Variants in GAS7 observed in about 807,000 individuals in gnomAD.
The protein encoded by GAS7 is growth arrest specific 7.
GAS7 carries 28 observed loss-of-function variants against 71.1 expected under a neutral mutation model. That is an observed-to-expected ratio of 0.39 (90% CI 0.29 to 0.54). The LOEUF (loss-of-function observed/expected upper bound fraction) is 0.54, where lower values mean the gene tolerates loss of function less well. Among genes scored for constraint, GAS7 ranks in the 20% least tolerant of loss-of-function variants. GAS7 has a pLI of 0.62. For missense variants in GAS7, 436 were observed against 627.8 expected (o/e 0.69, Z 3.27); for synonymous variants, 258 against 245.8 (o/e 1.05, Z -0.46).
At chr17:10,180,333 A>G (rs937510832) in intron 1 of GAS7, among the ~76,000 whole-genome samples, 24 of 148,078 alleles carry the variant, frequency 1.6e-4, no homozygotes, top group African/African-American at 5.9e-4. Flanking sequence ...CTCTGCCTCA[A>G]AAAAAAAAAA....
intron 6 of GAS7, 106 bp downstream of exon 6, chr17:9,946,788 C>G (rs1346032287): frequency 1.5e-6 from 1 of 675,652 alleles, no homozygotes; most frequent in African/African-American, 1.8e-5. Flanking sequence ...CACGCTCCAA[C>G]GAGAAAGGCC....
chr17:10,147,370 C>A (rs1183639045), intron 1 of GAS7, among the ~76,000 whole-genome samples: 1 of 152,038 alleles, frequency 6.6e-6, no homozygotes, highest in African/African-American at 2.4e-5. Flanking sequence ...TTAATCACAG[C>A]GAAGTATAAT....
intron 1 of GAS7, among the ~76,000 whole-genome samples, chr17:10,064,279 C>T (rs1192283975): frequency 6.6e-6 from 1 of 152,186 alleles, no homozygotes. Flanking sequence ...GGAAAAGCCT[C>T]ACAGCATGAT....
intron 4 of GAS7, among the ~76,000 whole-genome samples, chr17:9,960,816 T>A (rs1326304190): frequency 6.6e-6 from 1 of 152,194 alleles, no homozygotes; most frequent in East Asian, 1.9e-4. Context: ...ATCCTTAAGG[T>A]GTCTAGCAAA....
In GAS7 at chr17:10,192,272, C is replaced by G. The variant is rs75821793; in HGVS notation, c.183+5936G>C. Among the ~76,000 whole-genome samples the G allele has an allele frequency of 3.0e-3, 454 of 152,282 alleles. 1 individual carries two copies. The highest frequency in any genetic ancestry group is 4.7e-3 in the Non-Finnish European group (318 of 68,024). On this transcript the variant is annotated intron_variant, in intron 1 of 13. Coordinates refer to ENST00000432992, the MANE Select transcript of GAS7 (RefSeq NM_201433.2). ...GAGACAGAGAAATATACTAATTTTGCATTTAAGTACAGAGGAATCCCTCCT... is the reference window on the plus strand; with the variant it reads ...GAGACAGAGAAATATACTAATTTTGGATTTAAGTACAGAGGAATCCCTCCT...
In GAS7 at chr17:10,178,606, A is replaced by G. The variant is rs575499555; in HGVS notation, c.183+19602T>C. On this transcript the variant is annotated intron_variant, in intron 1 of 13. Transcript: ENST00000432992. ...CAGCTCACTGTCTCTCCCAGCACACATTCTAATCAGCATGCATTAGTAATC... is the reference window on the plus strand; with the variant it reads ...CAGCTCACTGTCTCTCCCAGCACACGTTCTAATCAGCATGCATTAGTAATC... 4.7e-5 allele frequency among the ~76,000 whole-genome samples: 7 copies of G among 150,218 alleles called. No individual in the cohort carries two copies. The East Asian group carries it at 1.4e-3, about 30-fold the overall frequency.
intron 2 of GAS7, among the ~76,000 whole-genome samples, chr17:10,016,114 G>A (rs1190569724): frequency 2.0e-5 from 3 of 152,142 alleles, no homozygotes; most frequent in Non-Finnish European, 2.9e-5. Flanking sequence ...GGTCGGGCAC[G>A]GTGGCTCACG....
intron 1 of GAS7, among the ~76,000 whole-genome samples, chr17:10,157,091 C>T (rs555754255): frequency 2.2e-4 from 34 of 152,248 alleles, no homozygotes; most frequent in African/African-American, 7.5e-4. Context: ...TGCTCCTCCC[C>T]GGACACAGAC....
intron 1 of GAS7, among the ~76,000 whole-genome samples, chr17:10,111,767 A>G (rs1253524032): frequency 6.6e-6 from 1 of 152,162 alleles, no homozygotes; most frequent in African/African-American, 2.4e-5. Flanking sequence ...CCTAACCCCA[A>G]TTGTGTTTCC....
chr17:9,911,097 C>T lies in GAS7; in HGVS notation c.*6131G>A, dbSNP rs957567911. On this transcript the variant is annotated 3_prime_UTR_variant, in exon 14 of 14. Transcript: ENST00000432992. This position sits in a 1 kb window ranked among gnomAD's most constrained non-coding sequence, Gnocchi z 4.0. The stretch of plus-strand genomic sequence containing the variant: ...AAGGGAAGGGATGCTAAGTTGGGGC[C>T]CCTGTCACTAAGGATGGCTGGCGTC... The T allele has an allele frequency of 4.3e-6, 1 of 233,086 alleles. No individual in the cohort carries two copies. Among genetic ancestry groups the T allele is most frequent in the African/African-American group, 2.2e-5 (1 of 45,306 alleles). The allele number at this position is 233,086 out of a possible 1,614,324, so 14.4% of individuals were successfully genotyped here. A position where few individuals can be genotyped will look rare whatever the true frequency, so the allele number is the denominator to read the frequency against.
intron 3 of GAS7, among the ~76,000 whole-genome samples, chr17:9,978,348 T>C (rs554183510): frequency 3.3e-5 from 5 of 149,922 alleles, no homozygotes; most frequent in South Asian, 2.2e-4. Context: ...AGTTTAACAT[T>C]TGTAATTTCA....
At chr17:10,075,608 A>C (rs1325827310) in intron 1 of GAS7, among the ~76,000 whole-genome samples, 2 of 151,962 alleles carry the variant, frequency 1.3e-5, no homozygotes, top group Admixed American at 1.3e-4. Flanking sequence ...CAGCCTGGGC[A>C]ATATAGCGAG....
intron 1 of GAS7, chr17:10,061,145 G>C (rs1321771093): frequency 6.6e-6 from 1 of 152,266 alleles, no homozygotes; most frequent in African/African-American, 2.4e-5. Flanking sequence ...CCCTCTCCTG[G>C]AGCAGTTCCC....
At chr17:10,158,346 A>AAACAAAAAAC (rs2074222041) in intron 1 of GAS7, among the ~76,000 whole-genome samples, 1 of 147,198 alleles carries the variant, frequency 6.8e-6, no homozygotes, top group African/African-American at 2.5e-5. Context: ...TAAAAAAAAA[A>AAACAAAAAAC]AAAAAAAAAA....
chr17:10,093,414 A>G (rs959968318), intron 1 of GAS7, among the ~76,000 whole-genome samples: 1 of 151,772 alleles, frequency 6.6e-6, no homozygotes, highest in African/African-American at 2.4e-5. Context: ...TACTAAACAT[A>G]CAAAAATTAG....
Position 9,981,589 on chromosome 17 carries a change from G to A in GAS7, c.385+215C>T, listed in dbSNP as rs1386088162. 6.6e-6 allele frequency among the ~76,000 whole-genome samples: 1 copy of A among 152,114 alleles called. No individual in the cohort carries two copies. The highest frequency in any genetic ancestry group is 2.4e-5 in the African/African-American group (1 of 41,432). ...CTCCTCCCACTAAGCGCCTGAGGAG[G>A]AGTGTGCAGGAGGCCACCAGAGCTG... On this transcript the variant is annotated intron_variant, in intron 3 of 13. Coordinates refer to ENST00000432992, the MANE Select transcript of GAS7 (RefSeq NM_201433.2). This position sits in a 1 kb window ranked among gnomAD's most constrained non-coding sequence, Gnocchi z 4.4.
At position 9,919,439 on chromosome 17, in the gene GAS7, G is replaced by A. The variant is rs569397596; in HGVS notation, c.1218+187C>T. 7.9e-5 allele frequency among the ~76,000 whole-genome samples: 12 copies of A among 152,228 alleles called. No homozygotes were observed. In the South Asian group the frequency reaches 1.5e-3, roughly 18 times the overall value. Reference sequence around the variant, plus strand: ...GCCCACATCCACACAGCTAGGAAGCGCTGGAGCAGAGATCTGAATCCACAT... The same window carrying A: ...GCCCACATCCACACAGCTAGGAAGCACTGGAGCAGAGATCTGAATCCACAT... On this transcript the variant is annotated intron_variant, in intron 12 of 13. Coordinates refer to ENST00000432992, the MANE Select transcript of GAS7 (RefSeq NM_201433.2). The surrounding 1 kb of genome is among the most constrained non-coding windows in gnomAD (Gnocchi z 5.0).
chr17:9,934,391 A>C, intron 8 of GAS7, 147 bp from the exon 9 acceptor site: 1 of 644,906 alleles, frequency 1.6e-6, no homozygotes, highest in Admixed American at 2.4e-5. Flanking sequence ...GAAACCAGAC[A>C]TGAGCATCAC....
At chr17:10,127,226 T>C (rs899507953) in intron 1 of GAS7, among the ~76,000 whole-genome samples, 11 of 152,168 alleles carry the variant, frequency 7.2e-5, no homozygotes, top group East Asian at 5.8e-4. Flanking sequence ...CAGGAAGCCC[T>C]GGGAAGAAGA....
Sources: gnomAD v4.1 joint callset for allele counts (sites outside exome capture counted in the v4.1 genomes callset) on GRCh38, gnomAD v4.1.1 for gene constraint, Gnocchi (gnomAD v3.1) non-coding constraint, MANE v1.5 for transcripts, NCBI Gene and HGNC (gene_info 2026-07-23, HGNC 2026-07-21) for gene names.